SLC24A2: variants seen among roughly 807,000 people sequenced by gnomAD.
The protein encoded by SLC24A2 is sodium/potassium/calcium exchanger 2.
A neutral mutation model predicts 62.0 loss-of-function variants in SLC24A2; 36 were observed. The ratio of observed to expected loss-of-function variants is 0.58; its 90% confidence interval spans 0.44 to 0.77. The LOEUF is 0.77. SLC24A2 is among the 30% of genes least tolerant of loss of function. The probability of loss-of-function intolerance (pLI) is 0.00; values close to 1 mark genes in which losing one functional copy is unlikely to be tolerated. For synonymous variants in SLC24A2, 358 were observed against 294.0 expected, an observed-to-expected ratio of 1.22 and a Z score of -2.23; for missense variants, 846 against 817.9, an observed-to-expected ratio of 1.03 and a Z score of -0.42.
the SLC24A2 span, among the ~76,000 whole-genome samples, chr9:20,105,390 T>C: frequency 6.6e-6 from 1 of 152,022 alleles, no homozygotes. Flanking sequence ...ATCAACAGAA[T>C]ATACATTTTT....
the SLC24A2 span, among the ~76,000 whole-genome samples, chr9:20,093,693 C>T: frequency 6.6e-6 from 1 of 151,770 alleles, no homozygotes; most frequent in African/African-American, 2.4e-5. Flanking sequence ...AAGTGTGGTC[C>T]CTTGGGGATT....
At chr9:19,820,568 GAGTT>G in the SLC24A2 span, among the ~76,000 whole-genome samples, 6 of 151,476 alleles carry the variant, frequency 4.0e-5, no homozygotes, top group East Asian at 1.9e-4. Flanking sequence ...TAAAAATAAA[GAGTT>G]AGGGACTTCA....
the SLC24A2 span, among the ~76,000 whole-genome samples, chr9:20,097,993 C>G: frequency 6.6e-6 from 1 of 151,318 alleles, no homozygotes; most frequent in Non-Finnish European, 1.5e-5. Context: ...TCGCCCGCCT[C>G]GGCCTCCCAA....
the SLC24A2 span, among the ~76,000 whole-genome samples, chr9:20,013,890 A>T: frequency 6.6e-6 from 1 of 152,126 alleles, no homozygotes; most frequent in Non-Finnish European, 1.5e-5. Context: ...ATCACCTCAA[A>T]TCTATTCAAA....
the SLC24A2 span, among the ~76,000 whole-genome samples, chr9:19,855,838 C>A: frequency 6.6e-6 from 1 of 152,158 alleles, no homozygotes; most frequent in South Asian, 2.1e-4. Flanking sequence ...GCCTGTCTTG[C>A]TGGGTTGGGG....
At chr9:20,065,789 T>C in the SLC24A2 span, among the ~76,000 whole-genome samples, 1 of 152,194 alleles carries the variant, frequency 6.6e-6, no homozygotes. Flanking sequence ...TTATTACATA[T>C]GCCACACTGT....
At chr9:20,169,229 T>G in the SLC24A2 span, among the ~76,000 whole-genome samples, 2 of 151,964 alleles carry the variant, frequency 1.3e-5, no homozygotes, top group Admixed American at 1.3e-4. Context: ...ACAGAGTTTA[T>G]GCTGGGATCA....
intron 8 of SLC24A2, among the ~76,000 whole-genome samples, chr9:19,533,267 G>T (rs1452423425): frequency 3.3e-5 from 5 of 152,162 alleles, no homozygotes; most frequent in Non-Finnish European, 7.4e-5. Context: ...CAGGCCCTAA[G>T]GAGGGGCAAA....
At chr9:19,736,789 T>C (rs1478229059) in intron 2 of SLC24A2, among the ~76,000 whole-genome samples, 1 of 152,160 alleles carries the variant, frequency 6.6e-6, no homozygotes, top group Non-Finnish European at 1.5e-5. Flanking sequence ...GAGTTTAAAA[T>C]TATAGTAAGC....
chr9:20,024,350 C>G, the SLC24A2 span, among the ~76,000 whole-genome samples: 3 of 152,178 alleles, frequency 2.0e-5, no homozygotes, highest in East Asian at 1.9e-4. Flanking sequence ...CTCACATCCA[C>G]AAACATACAC....
the SLC24A2 span, among the ~76,000 whole-genome samples, chr9:19,869,836 T>C: frequency 6.6e-6 from 1 of 152,214 alleles, no homozygotes; most frequent in East Asian, 1.9e-4. Flanking sequence ...AAATTTATCA[T>C]ATTTAGTGCT....
chr9:19,751,943 A>C (rs1298841803), intron 2 of SLC24A2, among the ~76,000 whole-genome samples: 1 of 152,186 alleles, frequency 6.6e-6, no homozygotes, highest in Non-Finnish European at 1.5e-5. Flanking sequence ...GACAGAATGA[A>C]CTTGTCCTGC....
At chr9:19,716,054 C>T (rs1360907748) in intron 2 of SLC24A2, among the ~76,000 whole-genome samples, 1 of 152,068 alleles carries the variant, frequency 6.6e-6, no homozygotes, top group Non-Finnish European at 1.5e-5. Context: ...TTATGAAGAG[C>T]CTCCCTTTAT....
intron 2 of SLC24A2, among the ~76,000 whole-genome samples, chr9:19,636,344 T>C (rs1444754544): frequency 6.4e-4 from 22 of 34,322 alleles, no homozygotes; most frequent in African/African-American, 3.1e-3. Context: ...TCTTTCTTTC[T>C]TTCTTTCTTT....
chr9:19,906,134 A>G, the SLC24A2 span, among the ~76,000 whole-genome samples: 2 of 152,380 alleles, frequency 1.3e-5, no homozygotes, highest in South Asian at 2.1e-4. Flanking sequence ...TGCCTCTCAG[A>G]CCACAGTGCA....
At chr9:19,780,414 C>T (rs1427950706) in intron 2 of SLC24A2, among the ~76,000 whole-genome samples, 1 of 151,262 alleles carries the variant, frequency 6.6e-6, no homozygotes, top group Non-Finnish European at 1.5e-5. Context: ...ATTACAGGCG[C>T]CTGCCACTGC....
At chr9:19,552,569 T>G (rs1443349600) in intron 7 of SLC24A2, among the ~76,000 whole-genome samples, 4 of 152,128 alleles carry the variant, frequency 2.6e-5, no homozygotes, top group African/African-American at 9.7e-5. Context: ...CCCATCAAGC[T>G]GATGAGTTCA....
the SLC24A2 span, among the ~76,000 whole-genome samples, chr9:20,214,883 A>G: frequency 2.0e-5 from 3 of 152,314 alleles, no homozygotes; most frequent in South Asian, 6.2e-4. Flanking sequence ...TAACCATAGT[A>G]TAATATAACA....
In SLC24A2 at chr9:19,550,264, G is replaced by A. The variant is rs761339159; in HGVS notation, c.1352C>T (p.Ala451Val). Reference protein sequence around the residue: ...HNIEGAEAQTADEEEDQPLSL... With the variant: ...HNIEGAEAQTVDEEEDQPLSL... ...GAGAGGCTGGTCCTCCTCCTCATCA[G>A]CGGTCTGTGGTAGAAAAAGAGGTAA... The change falls in exon 8 of 11, where the codon GCT becomes GTT. Residue 451 changes from alanine to valine, a missense_variant. Transcript: ENST00000341998. 6.2e-7 allele frequency: 1 copy of A among 1,613,952 alleles called. No individual in the cohort carries two copies. The highest frequency in any genetic ancestry group is 1.3e-5 in the African/African-American group (1 of 74,934).
Sources: allele counts gnomAD v4.1 joint callset (sites outside exome capture counted in the v4.1 genomes callset), GRCh38; gene constraint gnomAD v4.1.1; transcripts MANE v1.5; gene names NCBI Gene and HGNC (gene_info 2026-07-23, HGNC 2026-07-21).